Variants in GNAO1 observed in about 807,000 individuals in gnomAD.
GNAO1 encodes the protein G protein subunit alpha o1, also known as guanine nucleotide-binding protein G(o) subunit alpha.
For synonymous variants in GNAO1, 164 were observed against 180.7 expected, an observed-to-expected ratio of 0.91 and a Z score of 0.74; for missense variants, 166 against 478.7, an observed-to-expected ratio of 0.35 and a Z score of 6.10.
In GNAO1 at chr16:56,330,491, A is replaced by G. The variant is rs536749867; in HGVS notation, c.464+1700A>G. Among the ~76,000 whole-genome samples, 24 of 151,060 alleles carry G rather than the reference A, an allele frequency of 1.6e-4. No individual in the cohort carries two copies. The East Asian group carries it at 4.7e-3, about 30-fold the overall frequency. ...ATGAATCCATTACCAAAAAAAAATT[A>G]AACAAATGCAGAGGGATGTAAAATG... is the stretch of plus-strand genomic sequence containing the variant. On this transcript the variant is annotated intron_variant, in intron 4 of 8. Coordinates refer to ENST00000262493, the MANE Select transcript of GNAO1 (RefSeq NM_020988.3).
At chr16:56,251,156 G>T (rs2036796246) in intron 2 of GNAO1, among the ~76,000 whole-genome samples, 1 of 152,190 alleles carries the variant, frequency 6.6e-6, no homozygotes, top group African/African-American at 2.4e-5. Context: ...CTATAAAGGA[G>T]GCTGGGTGGC....
intron 2 of GNAO1, among the ~76,000 whole-genome samples, chr16:56,242,287 C>T (rs1455428009): frequency 2.6e-5 from 4 of 152,152 alleles, no homozygotes; most frequent in Non-Finnish European, 5.9e-5. Flanking sequence ...CTATCAAAAT[C>T]CCAGGTGCCT....
At chr16:56,317,334 C>T (rs1307567824) in intron 3 of GNAO1, among the ~76,000 whole-genome samples, 1 of 152,206 alleles carries the variant, frequency 6.6e-6, no homozygotes, top group African/African-American at 2.4e-5. Context: ...GGGCTGCTCT[C>T]CCTCCACCCC....
chr16:56,319,866 C>G (rs1310097569), intron 3 of GNAO1, among the ~76,000 whole-genome samples: 1 of 152,128 alleles, frequency 6.6e-6, no homozygotes, highest in African/African-American at 2.4e-5. Context: ...CTTGCCCACC[C>G]CTTTCTCCAG....
At chr16:56,238,560 T>C (rs2036663737) in intron 2 of GNAO1, among the ~76,000 whole-genome samples, 1 of 152,220 alleles carries the variant, frequency 6.6e-6, no homozygotes, top group African/African-American at 2.4e-5. Flanking sequence ...AGAACATTTG[T>C]TGGAAAGATA....
intron 2 of GNAO1, among the ~76,000 whole-genome samples, chr16:56,269,323 A>G (rs527796183): frequency 1.3e-5 from 2 of 151,886 alleles, no homozygotes; most frequent in South Asian, 4.2e-4. Context: ...CCTCCTCCTG[A>G]CAAGCAGTGG....
chr16:56,255,194 C>T (rs568572946), intron 2 of GNAO1, among the ~76,000 whole-genome samples: 2 of 152,310 alleles, frequency 1.3e-5, no homozygotes, highest in South Asian at 4.2e-4. Flanking sequence ...CTACCATTCT[C>T]CATTTAGATT....
At position 56,320,369 on chromosome 16, in the gene GNAO1, G is replaced by T. The variant is rs539311495; in HGVS notation, c.304-8262G>T. Among the ~76,000 whole-genome samples the T allele has an allele frequency of 2.4e-4, 36 of 152,278 alleles. No individual in the cohort carries two copies. In the South Asian group the frequency reaches 6.0e-3, roughly 25 times the overall value. ...CCTCAGGGCCATCCCTGTGCTAAGT[G>T]CCCTCCGTTTGCTCACACAACAGCC... On this transcript the variant is annotated intron_variant, in intron 3 of 8. Transcript: ENST00000262493.
intron 2 of GNAO1, among the ~76,000 whole-genome samples, chr16:56,268,485 C>T (rs775626053): frequency 5.9e-5 from 9 of 152,232 alleles, no homozygotes; most frequent in Non-Finnish European, 1.2e-4. Flanking sequence ...GACTCTACCC[C>T]TTTTACTCAA....
intron 2 of GNAO1, among the ~76,000 whole-genome samples, chr16:56,201,965 C>T (rs922846672): frequency 2.6e-5 from 4 of 152,014 alleles, no homozygotes; most frequent in Non-Finnish European, 4.4e-5. Flanking sequence ...TTTTGAGTGG[C>T]GAGAGCCATA....
rs59437828 is a variant in GNAO1, at chr16:56,355,125, T to TACACACACACAC, written c.*28+63_*28+74dup. 6.3e-3 allele frequency: 3,525 copies of TACACACACACAC among 556,240 alleles called. 86 individuals are homozygous for TACACACACACAC. Among genetic ancestry groups the TACACACACACAC allele is most frequent in the African/African-American group, 0.054 (2,625 of 48,564 alleles). The allele number at this position is 556,240 out of a possible 1,614,324, so 34.5% of individuals were successfully genotyped here. A position where few individuals can be genotyped will look rare whatever the true frequency, so the allele number is the denominator to read the frequency against. ...ACAGAACAGCTTGCGTGCGCGCGCA[T>TACACACACACAC]ACACACACACACACACACACACACA... On this transcript the variant is annotated intron_variant, in intron 8 of 8. Transcript: ENST00000262493.
chr16:56,262,274 C>T (rs1375396220), intron 2 of GNAO1, among the ~76,000 whole-genome samples: 2 of 152,190 alleles, frequency 1.3e-5, no homozygotes, highest in South Asian at 4.1e-4. Context: ...CGCAAGGGAG[C>T]CAGGAGGAAC....
chr16:56,228,405 G>A (rs778772438), intron 2 of GNAO1, among the ~76,000 whole-genome samples: 1 of 151,728 alleles, frequency 6.6e-6, no homozygotes, highest in Non-Finnish European at 1.5e-5. Context: ...GTATATATGT[G>A]AGTGTGTGTG....
At position 56,228,082 on chromosome 16, in the gene GNAO1, C is replaced by T. The variant is rs560590341; in HGVS notation, c.161+35466C>T. Among the ~76,000 whole-genome samples, 4 of 152,290 alleles carry T rather than the reference C, an allele frequency of 2.6e-5. No homozygotes were observed. The South Asian group carries it at 8.3e-4, about 32-fold the overall frequency. On this transcript the variant is annotated intron_variant, in intron 2 of 8. Coordinates refer to ENST00000262493, the MANE Select transcript of GNAO1 (RefSeq NM_020988.3). ...CAGGATTGACAGGAAGCTCTCACCC[C>T]ACGGTTGGCATGACCAGATAGCCCT...
intron 6 of GNAO1, among the ~76,000 whole-genome samples, chr16:56,342,437 C>T (rs1177548429): frequency 6.6e-6 from 1 of 152,210 alleles, no homozygotes; most frequent in Non-Finnish European, 1.5e-5. Context: ...GGCATGGATT[C>T]CTGGAGGCTG....
intron 6 of GNAO1, among the ~76,000 whole-genome samples, chr16:56,337,402 A>G (rs780182747): frequency 3.3e-5 from 5 of 152,228 alleles, no homozygotes; most frequent in African/African-American, 9.6e-5. Context: ...AGGAAGGGCA[A>G]TGGGGATGAG....
intron 3 of GNAO1, among the ~76,000 whole-genome samples, chr16:56,310,236 AG>A (rs2037442244): frequency 6.6e-6 from 1 of 152,184 alleles, no homozygotes; most frequent in South Asian, 2.1e-4. Context: ...AGGCTGAGGC[AG>A]GAGGATTGCT....
chr16:56,207,348 T>A (rs1463141143), intron 2 of GNAO1, among the ~76,000 whole-genome samples: 4 of 152,336 alleles, frequency 2.6e-5, no homozygotes, highest in Middle Eastern at 3.4e-3. Flanking sequence ...GAGGAGTAAG[T>A]GAGATAACAC....
At chr16:56,285,098 A>G (rs1042627781) in intron 3 of GNAO1, among the ~76,000 whole-genome samples, 8 of 152,226 alleles carry the variant, frequency 5.3e-5, no homozygotes, top group African/African-American at 1.4e-4. Flanking sequence ...CTGGGCTGCC[A>G]TCAGTCTCTA....
Sources: allele counts gnomAD v4.1 joint callset (sites outside exome capture counted in the v4.1 genomes callset), GRCh38; gene constraint gnomAD v4.1.1; transcripts MANE v1.5; gene names NCBI Gene and HGNC (gene_info 2026-07-23, HGNC 2026-07-21).